Variants in LHFPL6 observed in about 807,000 individuals in gnomAD.
The protein encoded by LHFPL6 is LHFPL tetraspan subfamily member 6.
A neutral mutation model predicts 20.6 loss-of-function variants in LHFPL6; 9 were observed. That is an observed-to-expected ratio of 0.44 (90% CI 0.26 to 0.76). LHFPL6 has a LOEUF of 0.76. Ranked by LOEUF, LHFPL6 falls within the 30% of genes least tolerant of loss-of-function variation. LHFPL6 has a pLI of 0.20. For missense variants in LHFPL6, 218 were observed against 253.5 expected (o/e 0.86, Z 0.95); for synonymous variants, 105 against 98.7 (o/e 1.06, Z -0.38).
chr13:39,525,105 G>A (rs1161671847), intron 2 of LHFPL6, among the ~76,000 whole-genome samples: 2 of 152,204 alleles, frequency 1.3e-5, no homozygotes, highest in Non-Finnish European at 2.9e-5. Flanking sequence ...GGGCGTTTGA[G>A]TTCGATACAA....
intron 2 of LHFPL6, among the ~76,000 whole-genome samples, chr13:39,410,920 A>G (rs1017507887): frequency 2.6e-5 from 4 of 152,250 alleles, no homozygotes; most frequent in African/African-American, 9.6e-5. Context: ...TGGCTTACGG[A>G]CAACATTCCA....
chr13:39,538,131 A>G (rs1376395247), intron 2 of LHFPL6, among the ~76,000 whole-genome samples: 2 of 151,528 alleles, frequency 1.3e-5, no homozygotes, highest in African/African-American at 2.4e-5. Flanking sequence ...ATGGGACAAC[A>G]GGTGCACACC....
intron 2 of LHFPL6, among the ~76,000 whole-genome samples, chr13:39,465,267 CA>C (rs2138432029): frequency 6.6e-6 from 1 of 151,972 alleles, no homozygotes; most frequent in South Asian, 2.1e-4. Context: ...GTGGCTGTAC[CA>C]ATACTAATTT....
intron 3 of LHFPL6, among the ~76,000 whole-genome samples, chr13:39,351,792 C>T (rs1265976212): frequency 1.3e-5 from 2 of 152,216 alleles, no homozygotes; most frequent in African/African-American, 2.4e-5. Flanking sequence ...AGTGTTCAAA[C>T]TATATTCAAA....
At chr13:39,561,032 T>C (rs1048517029) in intron 2 of LHFPL6, among the ~76,000 whole-genome samples, 3 of 151,968 alleles carry the variant, frequency 2.0e-5, no homozygotes, top group African/African-American at 7.3e-5. Flanking sequence ...CTCTGCATTC[T>C]TCACTCTATG....
chr13:39,531,765 C>T (rs568332661), intron 2 of LHFPL6, among the ~76,000 whole-genome samples: 7 of 152,072 alleles, frequency 4.6e-5, no homozygotes, highest in Non-Finnish European at 1.0e-4. Flanking sequence ...AGAGTAAATA[C>T]CTTTTGCTGG....
At chr13:39,549,508 C>G (rs1046458388) in intron 2 of LHFPL6, among the ~76,000 whole-genome samples, 4 of 151,978 alleles carry the variant, frequency 2.6e-5, no homozygotes, top group Admixed American at 2.0e-4. Flanking sequence ...ATTAAAAAGA[C>G]AGACTATACA....
chr13:39,356,884 A>G lies in LHFPL6; in HGVS notation c.485-12830T>C, dbSNP rs1391576681. Among the ~76,000 whole-genome samples the G allele has an allele frequency of 2.6e-5, 4 of 152,226 alleles. No individual in the cohort carries two copies. The East Asian group carries it at 5.8e-4, about 22-fold the overall frequency. On this transcript the variant is annotated intron_variant, in intron 3 of 3. Coordinates refer to ENST00000379589, the MANE Select transcript of LHFPL6 (RefSeq NM_005780.3). ...GAATCAGAAACTTAAAAAGCTACCA[A>G]TCAGGCTGGGCATGGTGGCTTGCAC... is the stretch of plus-strand genomic sequence containing the variant.
chr13:39,345,238 C>T (rs564527901), intron 3 of LHFPL6, among the ~76,000 whole-genome samples: 4 of 152,192 alleles, frequency 2.6e-5, no homozygotes, highest in African/African-American at 4.8e-5. Flanking sequence ...CGGGGCTGGG[C>T]GCAGTGGCTC....
chr13:39,432,646 T>G (rs912252226), intron 2 of LHFPL6, among the ~76,000 whole-genome samples: 1 of 152,206 alleles, frequency 6.6e-6, no homozygotes, highest in Admixed American at 6.5e-5. Flanking sequence ...GCTGTATAAG[T>G]TTTTCCTTCC....
intron 3 of LHFPL6, among the ~76,000 whole-genome samples, chr13:39,369,073 C>CTT (rs557427745): frequency 0.063 from 8,629 of 136,194 alleles, 411 homozygotes; most frequent in African/African-American, 0.13. Flanking sequence ...TCAGGTACGT[C>CTT]TTTTTTTTTT....
chr13:39,403,289 C>A (rs544715750), intron 2 of LHFPL6, among the ~76,000 whole-genome samples: 1 of 152,338 alleles, frequency 6.6e-6, no homozygotes, highest in East Asian at 1.9e-4. Flanking sequence ...TTTCCTTGCT[C>A]TCTATAGGCT....
chr13:39,379,273 C>T (rs1477058126), intron 2 of LHFPL6, among the ~76,000 whole-genome samples: 1 of 152,174 alleles, frequency 6.6e-6, no homozygotes, highest in Admixed American at 6.5e-5. Flanking sequence ...GCATCAAAGC[C>T]TAACATGGTT....
At chr13:39,521,337 C>T (rs1284455174) in intron 2 of LHFPL6, among the ~76,000 whole-genome samples, 4 of 152,152 alleles carry the variant, frequency 2.6e-5, no homozygotes, top group Non-Finnish European at 4.4e-5. Flanking sequence ...AGCAGAACTT[C>T]ACAGTGTCCT....
chr13:39,435,268 T>G (rs1871926975), intron 2 of LHFPL6, among the ~76,000 whole-genome samples: 2 of 152,098 alleles, frequency 1.3e-5, no homozygotes, highest in Admixed American at 6.5e-5. Flanking sequence ...TGACAAAGTA[T>G]TGTTGTCCAG....
intron 2 of LHFPL6, among the ~76,000 whole-genome samples, chr13:39,494,962 G>A (rs984793584): frequency 2.6e-5 from 4 of 152,164 alleles, no homozygotes; most frequent in African/African-American, 9.7e-5. Context: ...GTGTGACTGT[G>A]AGCTGCCTAT....
intron 2 of LHFPL6, among the ~76,000 whole-genome samples, chr13:39,437,752 A>G (rs111639843): frequency 0.026 from 3,912 of 152,184 alleles, 74 homozygotes; most frequent in Middle Eastern, 0.051. Context: ...AATACAAAAA[A>G]TTAGCTGGGC....
chr13:39,464,828 A>T (rs1032078752), intron 2 of LHFPL6, among the ~76,000 whole-genome samples: 5 of 152,114 alleles, frequency 3.3e-5, no homozygotes, highest in Non-Finnish European at 7.4e-5. Flanking sequence ...TTCTTAATCA[A>T]TAACATACAA....
At chr13:39,415,587 A>G (rs985145288) in intron 2 of LHFPL6, among the ~76,000 whole-genome samples, 2 of 152,120 alleles carry the variant, frequency 1.3e-5, no homozygotes, top group African/African-American at 2.4e-5. Context: ...CTTGCAAAGA[A>G]GCATCCCGGT....
Sources: gnomAD v4.1 joint callset for allele counts (sites outside exome capture counted in the v4.1 genomes callset) on GRCh38, gnomAD v4.1.1 for gene constraint, MANE v1.5 for transcripts, NCBI Gene and HGNC (gene_info 2026-07-23, HGNC 2026-07-21) for gene names.